Variants in AK8 observed in about 807,000 individuals in gnomAD.
AK8 encodes adenylate kinase 8.
A neutral mutation model predicts 54.6 loss-of-function variants in AK8; 44 were observed. The observed-to-expected ratio is 0.81, with a 90% confidence interval of 0.63 to 1.04. The LOEUF is 1.04. Ranked by LOEUF, AK8 falls within the 50% of genes least tolerant of loss-of-function variation. The probability of loss-of-function intolerance (pLI) is 0.00; values close to 1 mark genes in which losing one functional copy is unlikely to be tolerated. For missense variants in AK8, 555 were observed against 613.6 expected (o/e 0.90, Z 1.01); for synonymous variants, 239 against 245.6 (o/e 0.97, Z 0.25).
rs574535766 is a variant in AK8, at chr9:132,781,666, T to A, written c.1121+10968A>T. ...CTGAATTATAGATTTCTGTATCGTA[T>A]TCCCAGATTGATTTCTAGGCTATAA... is the stretch of plus-strand genomic sequence containing the variant. On this transcript the variant is annotated intron_variant, in intron 11 of 12. Transcript: ENST00000298545. This position sits in a 1 kb window ranked among gnomAD's most constrained non-coding sequence, Gnocchi z 4.6. Among the ~76,000 whole-genome samples, 43 of 152,362 alleles carry A rather than the reference T, an allele frequency of 2.8e-4. No homozygotes were observed. The highest frequency in any genetic ancestry group is 1.0e-3 in the African/African-American group (42 of 41,586).
chr9:132,797,716 T>C (rs1840239968), intron 10 of AK8, among the ~76,000 whole-genome samples: 1 of 152,254 alleles, frequency 6.6e-6, no homozygotes, highest in African/African-American at 2.4e-5. Flanking sequence ...ATGTGATTTT[T>C]TTTTAAAGGA....
upstream of AK8, chr9:132,878,433 T>A: frequency 8.1e-7 from 1 of 1,230,888 alleles, no homozygotes; most frequent in Non-Finnish European, 1.0e-6. The surrounding 1 kb of genome is among the most constrained non-coding windows in gnomAD (Gnocchi z 4.7). Context: ...GCTCTGCGGC[T>A]CGGGCAAGTT....
intron 5 of AK8, among the ~76,000 whole-genome samples, chr9:132,844,473 T>A (rs541712156): frequency 2.0e-5 from 3 of 152,214 alleles, no homozygotes; most frequent in Non-Finnish European, 4.4e-5. Flanking sequence ...AATTACCATA[T>A]AAATGAATAT....
At chr9:132,854,982 A>G in intron 4 of AK8, 57 bp from the exon 5 acceptor site, 19 of 1,586,982 alleles carry the variant, frequency 1.2e-5, no homozygotes, top group Non-Finnish European at 1.6e-5. Context: ...GCAGCTCAGG[A>G]CACAGACCAG....
Position 132,837,752 on chromosome 9 carries a change from G to A in AK8, c.403-9026C>T, listed in dbSNP as rs144543193. Among the ~76,000 whole-genome samples the A allele has an allele frequency of 1.2e-3, 186 of 152,194 alleles. No individual in the cohort carries two copies. The highest frequency in any genetic ancestry group is 4.2e-3 in the African/African-American group (174 of 41,510). The stretch of plus-strand genomic sequence containing the variant: ...CATATCACACCAACCAACCAACCAC[G>A]CCTCAGCATCAGGGTCTCTTACAGA... On this transcript the variant is annotated intron_variant, in intron 5 of 12. Coordinates refer to ENST00000298545, the MANE Select transcript of AK8 (RefSeq NM_152572.3). This position sits in a 1 kb window ranked among gnomAD's most constrained non-coding sequence, Gnocchi z 4.3.
intron 11 of AK8, among the ~76,000 whole-genome samples, chr9:132,745,849 A>G (rs759389785): frequency 1.4e-4 from 21 of 152,170 alleles, no homozygotes; most frequent in African/African-American, 1.9e-4. Flanking sequence ...AATGCGGTCT[A>G]AACTTGGACC....
chr9:132,813,070 G>C (rs625141), intron 10 of AK8, among the ~76,000 whole-genome samples: 74 of 75,864 alleles, frequency 9.8e-4, no homozygotes, highest in African/African-American at 2.2e-3. Context: ...GACCAGACCC[G>C]CTCACTGCCC....
At chr9:132,789,411 G>A (rs1839851816) in intron 11 of AK8, among the ~76,000 whole-genome samples, 2 of 151,488 alleles carry the variant, frequency 1.3e-5, no homozygotes, top group East Asian at 1.9e-4. Context: ...CAGCCTGGCC[G>A]ACATGGTAAA....
intron 11 of AK8, among the ~76,000 whole-genome samples, chr9:132,764,669 T>TAA (rs1838640605): frequency 6.6e-6 from 1 of 152,118 alleles, no homozygotes; most frequent in Admixed American, 6.5e-5. Flanking sequence ...GAATCAGTAA[T>TAA]AAAAAGTCTC....
chr9:132,849,655 T>A (rs1012710224), intron 5 of AK8, among the ~76,000 whole-genome samples: 2 of 152,156 alleles, frequency 1.3e-5, no homozygotes, highest in Non-Finnish European at 2.9e-5. Flanking sequence ...GTGATGGAGA[T>A]CCCATGGCTG....
intron 11 of AK8, among the ~76,000 whole-genome samples, chr9:132,767,612 T>C (rs1247878464): frequency 6.6e-6 from 1 of 152,110 alleles, no homozygotes; most frequent in South Asian, 2.1e-4. Context: ...GGGATGTGTA[T>C]CAAAAAGAAA....
intron 10 of AK8, among the ~76,000 whole-genome samples, chr9:132,796,922 T>A (rs1381790830): frequency 1.3e-5 from 2 of 151,778 alleles, no homozygotes; most frequent in African/African-American, 2.4e-5. Flanking sequence ...CCGGATGTAA[T>A]GCAACACAAA....
At chr9:132,874,014 G>C (rs1843974837) in intron 2 of AK8, among the ~76,000 whole-genome samples, 1 of 152,180 alleles carries the variant, frequency 6.6e-6, no homozygotes, top group East Asian at 1.9e-4. Flanking sequence ...ACACGGGGAA[G>C]GGGGTCCCAA....
chr9:132,744,549 G>A (rs961986868), intron 11 of AK8, among the ~76,000 whole-genome samples: 8 of 152,202 alleles, frequency 5.3e-5, no homozygotes, highest in Admixed American at 3.3e-4. Context: ...ACAGACCGAA[G>A]GGGAAAAACA....
Position 132,878,145 on chromosome 9 carries a change from T to G in AK8, c.84+27A>C. The G allele has an allele frequency of 1.3e-6, 2 of 1,534,216 alleles. No homozygotes were observed. The highest frequency in any genetic ancestry group is 1.8e-6 in the Non-Finnish European group (2 of 1,140,198). ...GGAGGCTCCCGAGCCGCCGCCAGCGTCGCGACGGGCAGGGGTGTCCGGTCA... is the reference window on the plus strand; with the variant it reads ...GGAGGCTCCCGAGCCGCCGCCAGCGGCGCGACGGGCAGGGGTGTCCGGTCA... On this transcript the variant is annotated intron_variant, in intron 1 of 12. Coordinates refer to ENST00000298545, the MANE Select transcript of AK8 (RefSeq NM_152572.3). This position sits in a 1 kb window ranked among gnomAD's most constrained non-coding sequence, Gnocchi z 4.7.
At chr9:132,875,557 TC>T (rs1360240122) in intron 1 of AK8, among the ~76,000 whole-genome samples, 1 of 152,232 alleles carries the variant, frequency 6.6e-6, no homozygotes, top group Non-Finnish European at 1.5e-5. Flanking sequence ...CAGATGCTGT[TC>T]CCTCAGCTTG....
chr9:132,855,075 T>G, intron 4 of AK8, 150 bp from the exon 5 acceptor site: 1 of 715,922 alleles, frequency 1.4e-6, no homozygotes, highest in Non-Finnish European at 2.5e-6. Context: ...GCTGCACCCT[T>G]TCCTTGAACT....
chr9:132,837,566 G>T lies in AK8; in HGVS notation c.403-8840C>A, dbSNP rs1842377056. Among the ~76,000 whole-genome samples, 1 of 152,078 alleles carries T rather than the reference G, an allele frequency of 6.6e-6. No homozygotes were observed. The highest frequency in any genetic ancestry group is 1.5e-5 in the Non-Finnish European group (1 of 68,026). ...TGCGTCTGCTCAAACCTCAGGCCCT[G>T]TCCTGCATTTGATCATCTCTTTTTC... On this transcript the variant is annotated intron_variant, in intron 5 of 12. Coordinates refer to ENST00000298545, the MANE Select transcript of AK8 (RefSeq NM_152572.3). The surrounding 1 kb of genome is among the most constrained non-coding windows in gnomAD (Gnocchi z 4.3).
chr9:132,816,214 TGTG>T (rs1218824850), intron 9 of AK8, among the ~76,000 whole-genome samples: 1 of 151,376 alleles, frequency 6.6e-6, no homozygotes, highest in Non-Finnish European at 1.5e-5. Flanking sequence ...ATTAGCCCAG[TGTG>T]GTGGTGGAAG....
Sources: allele counts gnomAD v4.1 joint callset (sites outside exome capture counted in the v4.1 genomes callset), GRCh38; gene constraint gnomAD v4.1.1; non-coding constraint Gnocchi (gnomAD v3.1); transcripts MANE v1.5; gene names NCBI Gene and HGNC (gene_info 2026-07-23, HGNC 2026-07-21).